EIF4E3: variants seen among roughly 807,000 people sequenced by gnomAD.
EIF4E3 encodes the protein eukaryotic translation initiation factor 4E family member 3.
In EIF4E3, 26 loss-of-function variants were observed where a neutral mutation model predicts 31.7. That is an observed-to-expected ratio of 0.82 (90% CI 0.60 to 1.14). EIF4E3 has a LOEUF of 1.14. Ranked by LOEUF, EIF4E3 falls within the 50% of genes most tolerant of loss-of-function variation. EIF4E3 has a pLI of 0.00. For synonymous variants in EIF4E3, 128 were observed against 107.7 expected (o/e 1.19, Z -1.17); for missense variants, 304 against 270.9 (o/e 1.12, Z -0.86).
At chr3:71,707,871 CTT>C (rs35421624) in intron 2 of EIF4E3, among the ~76,000 whole-genome samples, 14 of 133,192 alleles carry the variant, frequency 1.1e-4, no homozygotes, top group Non-Finnish European at 8.1e-5. Flanking sequence ...CTAATTCATT[CTT>C]TTTTTTTTTT....
intron 1 of EIF4E3, among the ~76,000 whole-genome samples, chr3:71,746,543 C>T (rs977692419): frequency 6.6e-6 from 1 of 152,158 alleles, no homozygotes; most frequent in Admixed American, 6.5e-5. Context: ...GAAATCACAC[C>T]TTAAGAATCT....
the EIF4E3 span, among the ~76,000 whole-genome samples, chr3:71,659,788 T>C: frequency 6.6e-6 from 1 of 152,166 alleles, no homozygotes; most frequent in Admixed American, 6.5e-5. Flanking sequence ...GTATTAATAT[T>C]TGAGTACGAG....
Position 71,698,057 on chromosome 3 carries a change from C to T in EIF4E3, c.345-1537G>A, listed in dbSNP as rs190552907. On this transcript the variant is annotated intron_variant, in intron 3 of 6. Transcript: ENST00000425534. ...CAGTGTACGAGGGCTCCCCTTTCTC[C>T]ACACCCTCACCAGCATTCATTATTA... 1.3e-4 allele frequency among the ~76,000 whole-genome samples: 20 copies of T among 152,314 alleles called. No individual in the cohort carries two copies. The East Asian group carries it at 3.9e-3, about 29-fold the overall frequency.
the EIF4E3 span, among the ~76,000 whole-genome samples, chr3:71,663,779 T>A: frequency 6.6e-6 from 1 of 152,230 alleles, no homozygotes; most frequent in Non-Finnish European, 1.5e-5. Context: ...ACACTTACTA[T>A]GACCCAGCCA....
chr3:71,705,784 A>G (rs1428178579), intron 2 of EIF4E3, among the ~76,000 whole-genome samples: 4 of 152,178 alleles, frequency 2.6e-5, no homozygotes, highest in Non-Finnish European at 5.9e-5. Context: ...CTTGTTCAAA[A>G]GCCGTGTTCT....
the EIF4E3 span, among the ~76,000 whole-genome samples, chr3:71,664,140 G>A: frequency 2.6e-5 from 4 of 152,136 alleles, no homozygotes; most frequent in African/African-American, 4.8e-5. Flanking sequence ...GGGCAATGGG[G>A]AGCCACTGCA....
rs1471614659 is a variant in EIF4E3, at chr3:71,746,722, T to C, written c.-291+6741A>G. Among the ~76,000 whole-genome samples the C allele has an allele frequency of 3.3e-5, 5 of 152,198 alleles. No homozygotes were observed. In the South Asian group the frequency reaches 8.3e-4, roughly 25 times the overall value. On this transcript the variant is annotated intron_variant, in intron 1 of 7. Coordinates refer to the EIF4E3 transcript ENST00000295612. ...CCACAGAGTTGTGGAACTATCACTA[T>C]TACCTAATTTTAGAACATTTTCATC... is the stretch of plus-strand genomic sequence containing the variant.
At chr3:71,696,263 T>G (rs1424710074) in intron 4 of EIF4E3, among the ~76,000 whole-genome samples, 197 bp downstream of exon 4, 1 of 152,210 alleles carries the variant, frequency 6.6e-6, no homozygotes, top group African/African-American at 2.4e-5. Context: ...ACCACGTCTA[T>G]AGAGAAGCAC....
chr3:71,699,550 C>A (rs377460352), intron 3 of EIF4E3, 64 bp downstream of exon 3: 6 of 1,403,524 alleles, frequency 4.3e-6, no homozygotes, highest in Non-Finnish European at 6.0e-6. Context: ...GTGATATGAT[C>A]TTTTATGAGG....
At chr3:71,750,322 C>G (rs905246397) in intron 1 of EIF4E3, among the ~76,000 whole-genome samples, 1 of 152,132 alleles carries the variant, frequency 6.6e-6, no homozygotes, top group Non-Finnish European at 1.5e-5. Context: ...ACTTGTCGAA[C>G]ACCATGTGCT....
chr3:71,688,085 G>C (rs2049017082), intron 6 of EIF4E3, among the ~76,000 whole-genome samples: 1 of 151,996 alleles, frequency 6.6e-6, no homozygotes, highest in Non-Finnish European at 1.5e-5. Flanking sequence ...TGCCCTTAAA[G>C]TATGAATTTC....
intron 2 of EIF4E3, among the ~76,000 whole-genome samples, chr3:71,702,782 T>G (rs2049236545): frequency 6.7e-6 from 1 of 150,310 alleles, no homozygotes; most frequent in Non-Finnish European, 1.5e-5. Context: ...GTTGCAAACC[T>G]CATCCAATAG....
chr3:71,720,871 G>C lies in EIF4E3; in HGVS notation c.176+4321C>G, dbSNP rs115274185. 8.7e-3 allele frequency among the ~76,000 whole-genome samples: 1,322 copies of C among 152,268 alleles called. 15 individuals are homozygous for C. The highest frequency in any genetic ancestry group is 0.03 in the African/African-American group (1,263 of 41,522). On this transcript the variant is annotated intron_variant, in intron 1 of 6. Coordinates refer to ENST00000425534, the MANE Select transcript of EIF4E3 (RefSeq NM_001134651.2). ...GAGAGAGGAAAATGGCTTAGACTTG[G>C]ATCAAGTTTTCCCAGGGGAATTAAC...
the EIF4E3 span, among the ~76,000 whole-genome samples, chr3:71,669,427 G>T: frequency 6.6e-6 from 1 of 152,054 alleles, no homozygotes; most frequent in African/African-American, 2.4e-5. Context: ...AACAGGAGCC[G>T]CTTTCAAAAC....
chr3:71,701,194 A>G (rs953353585), intron 2 of EIF4E3, among the ~76,000 whole-genome samples: 1 of 152,232 alleles, frequency 6.6e-6, no homozygotes, highest in African/African-American at 2.4e-5. Context: ...AAACAGAAAT[A>G]GATTATACAA....
At chr3:71,742,660 G>C (rs1284621164) in intron 1 of EIF4E3, among the ~76,000 whole-genome samples, 1 of 151,778 alleles carries the variant, frequency 6.6e-6, no homozygotes, top group Non-Finnish European at 1.5e-5. Context: ...AAAAGACAAA[G>C]CCAGTACAAG....
At chr3:71,661,877 A>C in the EIF4E3 span, among the ~76,000 whole-genome samples, 1 of 152,182 alleles carries the variant, frequency 6.6e-6, no homozygotes, top group African/African-American at 2.4e-5. Context: ...AGTATACAGA[A>C]AGTGGTTAAG....
intron 1 of EIF4E3, among the ~76,000 whole-genome samples, chr3:71,738,432 CAAT>C (rs2049785430): frequency 6.6e-6 from 1 of 151,812 alleles, no homozygotes. Flanking sequence ...TCAAATACAA[CAAT>C]GTGGGTAGGT....
rs1400270552 is a variant in EIF4E3, at chr3:71,675,418, G to A, written c.*9264C>T. ...AAGTGAGACAGAAAAGCAAGCTTCAGATATAAATTTTTTAATTCCCAGTTA... is the reference window on the plus strand; with the variant it reads ...AAGTGAGACAGAAAAGCAAGCTTCAAATATAAATTTTTTAATTCCCAGTTA... On this transcript the variant is annotated 3_prime_UTR_variant, in exon 7 of 7. Coordinates refer to ENST00000425534, the MANE Select transcript of EIF4E3 (RefSeq NM_001134651.2). 1 of 152,224 alleles carries A rather than the reference G, an allele frequency of 6.6e-6. No individual in the cohort carries two copies. The highest frequency in any genetic ancestry group is 1.5e-5 in the Non-Finnish European group (1 of 68,044). The allele number at this position is 152,224 out of a possible 1,614,324, so 9.4% of individuals were successfully genotyped here.
Sources: gnomAD v4.1 joint callset for allele counts (sites outside exome capture counted in the v4.1 genomes callset) on GRCh38, gnomAD v4.1.1 for gene constraint, MANE v1.5 for transcripts, NCBI Gene and HGNC (gene_info 2026-07-23, HGNC 2026-07-21) for gene names.